Variants in TMEM131 observed in about 807,000 individuals in gnomAD.
TMEM131 encodes the protein 2610524E03Rik.
In TMEM131, 66 loss-of-function variants were observed where a neutral mutation model predicts 211.6. That is an observed-to-expected ratio of 0.31 (90% CI 0.26 to 0.38). The LOEUF (loss-of-function observed/expected upper bound fraction) is 0.38. Among genes scored for constraint, TMEM131 ranks in the 10% least tolerant of loss-of-function variants. The probability of loss-of-function intolerance (pLI) is 1.00; values close to 1 mark genes in which losing one functional copy is unlikely to be tolerated. For missense variants in TMEM131, 2,036 were observed against 2,299.3 expected (o/e 0.89, Z 2.34); for synonymous variants, 844 against 841.3 (o/e 1.00, Z -0.06).
At chr2:97,927,540 C>A in intron 1 of TMEM131, 53 bp from the exon 2 acceptor site, 1 of 1,406,808 alleles carries the variant, frequency 7.1e-7, no homozygotes, top group African/African-American at 1.5e-5. Context: ...ATTTGATTTT[C>A]ATAACATCTT....
intron 33 of TMEM131, 115 bp downstream of exon 33, chr2:97,772,182 T>C: frequency 7.9e-7 from 1 of 1,263,608 alleles, no homozygotes; most frequent in Non-Finnish European, 1.1e-6. Flanking sequence ...TGGATTTTGC[T>C]ATCAACTCCC....
At chr2:97,778,205 G>A (rs1006446802) in intron 31 of TMEM131, among the ~76,000 whole-genome samples, 14 of 152,164 alleles carry the variant, frequency 9.2e-5, no homozygotes, top group African/African-American at 3.4e-4. Flanking sequence ...AACTCAAAAA[G>A]TGAAGCTATG....
At position 97,834,941 on chromosome 2, in the gene TMEM131, A is replaced by C; in HGVS notation, c.805-16T>G. The C allele has an allele frequency of 6.2e-7, 1 of 1,613,116 alleles. No individual in the cohort carries two copies. Among genetic ancestry groups the C allele is most frequent in the Non-Finnish European group, 8.5e-7 (1 of 1,179,542 alleles). ...GAGGAATTTCCTGACAAGTTAACAG[A>C]CCATAATGTAGCACAGCTTTTGTAA... On this transcript the variant is annotated splice_polypyrimidine_tract_variant and intron_variant, in intron 8 of 40. Coordinates refer to ENST00000186436, the MANE Select transcript of TMEM131 (RefSeq NM_015348.2).
intron 11 of TMEM131, among the ~76,000 whole-genome samples, chr2:97,824,965 C>T (rs1682305643): frequency 6.6e-6 from 1 of 152,212 alleles, no homozygotes; most frequent in African/African-American, 2.4e-5. Flanking sequence ...TACCCAACCC[C>T]TATACCCTGC....
chr2:97,910,755 T>C (rs1676259101), intron 2 of TMEM131, among the ~76,000 whole-genome samples: 2 of 152,212 alleles, frequency 1.3e-5, no homozygotes, highest in Admixed American at 1.3e-4. Flanking sequence ...GTTGGCTGCA[T>C]AAATGTCATT....
chr2:97,789,021 A>G (rs1446820132), intron 31 of TMEM131, among the ~76,000 whole-genome samples: 3 of 152,244 alleles, frequency 2.0e-5, no homozygotes, highest in Admixed American at 2.0e-4. Context: ...AAAGCTCCCA[A>G]AACACTCACT....
intron 11 of TMEM131, among the ~76,000 whole-genome samples, chr2:97,821,792 G>T (rs539076393): frequency 3.3e-5 from 5 of 152,120 alleles, no homozygotes; most frequent in African/African-American, 9.7e-5. Context: ...CACAGCCACC[G>T]GACTAAAGAC....
chr2:97,918,561 T>C (rs1056452579), intron 2 of TMEM131, among the ~76,000 whole-genome samples: 3 of 151,842 alleles, frequency 2.0e-5, no homozygotes, highest in Non-Finnish European at 2.9e-5. Flanking sequence ...ACTGAGAATG[T>C]AGGAAATCCC....
At position 97,760,970 on chromosome 2, in the gene TMEM131, G is replaced by A. The variant is rs756403620; in HGVS notation, c.4890-56C>T. Reference sequence around the variant, plus strand: ...CCTCATCAGCAGTGCCCTGTCTCGGGGAGGTGTGGGGCTGGCAGGACTGAG... The same window carrying A: ...CCTCATCAGCAGTGCCCTGTCTCGGAGAGGTGTGGGGCTGGCAGGACTGAG... On this transcript the variant is annotated intron_variant, in intron 36 of 40. Transcript: ENST00000186436. 5.6e-6 allele frequency: 9 copies of A among 1,601,666 alleles called. No homozygotes were observed. The East Asian group carries it at 2.0e-4, about 36-fold the overall frequency.
intron 4 of TMEM131, among the ~76,000 whole-genome samples, chr2:97,881,740 A>G (rs1021175385): frequency 0.022 from 1,368 of 62,326 alleles, no homozygotes; most frequent in African/African-American, 0.033. Context: ...GGGGCGGGGG[A>G]GGTAGATGTT....
chr2:97,810,847 T>C (rs1462062919), intron 18 of TMEM131, among the ~76,000 whole-genome samples: 1 of 152,222 alleles, frequency 6.6e-6, no homozygotes, highest in South Asian at 2.1e-4. Flanking sequence ...TGCAATGATA[T>C]AACCATCTGT....
At chr2:97,989,448 C>A (rs879521265) in intron 1 of TMEM131, among the ~76,000 whole-genome samples, 2 of 151,974 alleles carry the variant, frequency 1.3e-5, no homozygotes, top group African/African-American at 4.8e-5. Flanking sequence ...TTACCAGGAG[C>A]CTGGGGGTGG....
chr2:97,955,664 A>C (rs773086013), intron 1 of TMEM131, among the ~76,000 whole-genome samples: 8 of 152,182 alleles, frequency 5.3e-5, no homozygotes, highest in Non-Finnish European at 1.2e-4. Flanking sequence ...GAACATATGG[A>C]AACCAAAAAG....
rs1037505262 is a variant in TMEM131 at position 97,870,751 on chromosome 2, TA to T, written c.360-11325del. Reference sequence around the variant, plus strand: ...GAATGACAGTGACACAGCACTCTGTTAAGCATAGTTTTGGGCAGGAAGTCGG... The same window carrying T: ...GAATGACAGTGACACAGCACTCTGTTAGCATAGTTTTGGGCAGGAAGTCGG... On this transcript the variant is annotated intron_variant, in intron 4 of 40. Transcript: ENST00000186436. Among the ~76,000 whole-genome samples the T allele has an allele frequency of 1.6e-4, 24 of 152,342 alleles. 1 individual carries two copies. In the South Asian group the frequency reaches 3.9e-3, roughly 25 times the overall value.
Position 97,792,916 on chromosome 2 carries a change from C to T in TMEM131, c.3614G>A (p.Arg1205Gln), listed in dbSNP as rs753031843. 2.6e-5 allele frequency: 42 copies of T among 1,611,918 alleles called. No individual in the cohort carries two copies. The highest frequency in any genetic ancestry group is 3.3e-5 in the South Asian group (3 of 90,842). ...CTGCTTATGACTCCCGGCACTGGGT[C>T]GGGATGATGAACCGCCTGCTCCACA... is the stretch of plus-strand genomic sequence containing the variant. ...GFCGAGGSSS[R>Q]PSAGSHKQCG... Residue 1205 changes from arginine to glutamine, a missense_variant, in exon 31 of 41, where the codon CGA becomes CAA. Arg to Gln is a conservative substitution (Grantham distance 43). Coordinates refer to ENST00000186436, the MANE Select transcript of TMEM131 (RefSeq NM_015348.2).
rs776979345 is a variant in TMEM131, at chr2:97,908,646, A to C, written c.290+12T>G. 5.0e-5 allele frequency: 79 copies of C among 1,589,906 alleles called. No individual in the cohort carries two copies. The highest frequency in any genetic ancestry group is 3.4e-5 in the South Asian group (3 of 89,266). ...CCGAAAGTATGTTAATTATCTTATT[A>C]AATATACTTACCTTTTCTGCTGATA... On this transcript the variant is annotated intron_variant, in intron 3 of 40. Coordinates refer to ENST00000186436, the MANE Select transcript of TMEM131 (RefSeq NM_015348.2).
chr2:97,922,964 C>A (rs1430516875), intron 2 of TMEM131, among the ~76,000 whole-genome samples: 1 of 152,192 alleles, frequency 6.6e-6, no homozygotes, highest in Non-Finnish European at 1.5e-5. Flanking sequence ...AATATAGGTT[C>A]TCTAATTAAG....
chr2:97,949,828 A>AAG (rs1678218059), intron 1 of TMEM131, among the ~76,000 whole-genome samples: 1 of 151,398 alleles, frequency 6.6e-6, no homozygotes, highest in African/African-American at 2.4e-5. Context: ...AAAAAAAAAA[A>AAG]AAAAAAAAAA....
intron 39 of TMEM131, 53 bp downstream of exon 39, chr2:97,759,599 C>A: frequency 6.9e-7 from 1 of 1,447,176 alleles, no homozygotes; most frequent in Non-Finnish European, 9.6e-7. Flanking sequence ...CACCTCCTCT[C>A]CCTTCCTCTG....
Sources: allele counts gnomAD v4.1 joint callset (sites outside exome capture counted in the v4.1 genomes callset), GRCh38; gene constraint gnomAD v4.1.1; transcripts MANE v1.5; gene names NCBI Gene and HGNC (gene_info 2026-07-23, HGNC 2026-07-21).